Variants in KCNH7 observed in about 807,000 individuals in gnomAD.
KCNH7 encodes the protein potassium voltage-gated channel subfamily H member 7.
A neutral mutation model predicts 120.8 loss-of-function variants in KCNH7; 49 were observed. The ratio of observed to expected loss-of-function variants is 0.41; its 90% confidence interval spans 0.32 to 0.51. The LOEUF is 0.51. Among genes scored for constraint, KCNH7 ranks in the 20% least tolerant of loss-of-function variants. The pLI, the probability that KCNH7 is intolerant of heterozygous loss-of-function variation, is 0.38. For synonymous variants in KCNH7, 547 were observed against 516.1 expected (o/e 1.06, Z -0.81); for missense variants, 1,097 against 1,446.6 (o/e 0.76, Z 3.92).
At chr2:162,637,776 A>G (rs952145352) in intron 2 of KCNH7, among the ~76,000 whole-genome samples, 2 of 152,064 alleles carry the variant, frequency 1.3e-5, no homozygotes, top group Non-Finnish European at 1.5e-5. Context: ...TCTTGGGAAG[A>G]CAGAGAAGAG....
At chr2:162,754,671 G>C (rs1196184128) in intron 2 of KCNH7, among the ~76,000 whole-genome samples, 4 of 152,144 alleles carry the variant, frequency 2.6e-5, no homozygotes, top group Non-Finnish European at 5.9e-5. Context: ...ACTTTTAAGA[G>C]AGTACGAGAT....
chr2:162,706,821 A>G (rs1018858164), intron 2 of KCNH7, among the ~76,000 whole-genome samples: 1 of 152,142 alleles, frequency 6.6e-6, no homozygotes, highest in African/African-American at 2.4e-5. Context: ...ATTGCCTCTC[A>G]TACTTAAAAA....
chr2:162,384,093 A>G (rs900640490), intron 13 of KCNH7, among the ~76,000 whole-genome samples: 1 of 151,880 alleles, frequency 6.6e-6, no homozygotes, highest in Non-Finnish European at 1.5e-5. Context: ...TGAAATCTGC[A>G]TCTACTAATC....
chr2:162,684,732 G>A (rs1407627641), intron 2 of KCNH7, among the ~76,000 whole-genome samples: 2 of 152,042 alleles, frequency 1.3e-5, no homozygotes, highest in African/African-American at 4.8e-5. Context: ...AAATAGGAAT[G>A]CTTTTACACT....
At chr2:162,834,575 C>T (rs1685588249) in intron 2 of KCNH7, among the ~76,000 whole-genome samples, 1 of 151,998 alleles carries the variant, frequency 6.6e-6, no homozygotes, top group Non-Finnish European at 1.5e-5. Context: ...AGTTTTAATG[C>T]ATATAACCAA....
chr2:162,425,093 ACTGTCT>A, intron 8 of KCNH7, among the ~76,000 whole-genome samples: 1 of 152,208 alleles, frequency 6.6e-6, no homozygotes, highest in South Asian at 2.1e-4. Flanking sequence ...TCTGTGCTTG[ACTGTCT>A]GAGCAGGAAT....
At chr2:162,785,973 T>C (rs1196490848) in intron 2 of KCNH7, among the ~76,000 whole-genome samples, 1 of 152,168 alleles carries the variant, frequency 6.6e-6, no homozygotes, top group Non-Finnish European at 1.5e-5. Context: ...CTGGGCGCGG[T>C]GGCTCATGCC....
intron 2 of KCNH7, among the ~76,000 whole-genome samples, chr2:162,741,314 A>G (rs1161474820): frequency 2.0e-5 from 3 of 149,950 alleles, no homozygotes; most frequent in Non-Finnish European, 3.0e-5. Flanking sequence ...GTTATTAATT[A>G]CACATATTAA....
chr2:162,556,083 A>C (rs1692846920), intron 2 of KCNH7, among the ~76,000 whole-genome samples: 1 of 152,090 alleles, frequency 6.6e-6, no homozygotes, highest in East Asian at 1.9e-4. Context: ...ATAGTTCAAA[A>C]ATTGAGTTGA....
intron 2 of KCNH7, among the ~76,000 whole-genome samples, chr2:162,636,697 G>T (rs1683974391): frequency 6.6e-6 from 1 of 151,990 alleles, no homozygotes; most frequent in Non-Finnish European, 1.5e-5. Context: ...CACACAAATG[G>T]AAGCAATATA....
intron 2 of KCNH7, among the ~76,000 whole-genome samples, chr2:162,768,067 G>C (rs1419191495): frequency 1.3e-5 from 2 of 152,072 alleles, no homozygotes; most frequent in Admixed American, 1.3e-4. Context: ...TAGCAAGATA[G>C]TCAGCCATGT....
At position 162,422,782 on chromosome 2, in the gene KCNH7, A is replaced by G. The variant is rs1573939012; in HGVS notation, c.2154+554T>C. On this transcript the variant is annotated intron_variant, in intron 9 of 15. Transcript: ENST00000332142. ...AGGAAAGACGCATTAAACCAGGTACAGTAAAAGGGCACAGCGTAGATTGTT... is the reference window on the plus strand; with the variant it reads ...AGGAAAGACGCATTAAACCAGGTACGGTAAAAGGGCACAGCGTAGATTGTT... Among the ~76,000 whole-genome samples, 3 of 152,158 alleles carry G rather than the reference A, an allele frequency of 2.0e-5. No individual in the cohort carries two copies. The South Asian group carries it at 6.2e-4, about 32-fold the overall frequency.
At chr2:162,654,070 ATG>A (rs1684659403) in intron 2 of KCNH7, among the ~76,000 whole-genome samples, 1 of 151,454 alleles carries the variant, frequency 6.6e-6, no homozygotes, top group African/African-American at 2.4e-5. Context: ...AAAAAGCTCC[ATG>A]ACCTTAGTGT....
intron 2 of KCNH7, among the ~76,000 whole-genome samples, chr2:162,745,092 A>G (rs1260273228): frequency 6.6e-6 from 1 of 152,214 alleles, no homozygotes; most frequent in Non-Finnish European, 1.5e-5. Flanking sequence ...TGTACCTAGA[A>G]GACATTAAAA....
chr2:162,472,254 A>G (rs1402551660), intron 6 of KCNH7, among the ~76,000 whole-genome samples: 1 of 152,238 alleles, frequency 6.6e-6, no homozygotes, highest in Admixed American at 6.5e-5. Context: ...TAATTAAACT[A>G]AAGAGCTTCT....
intron 2 of KCNH7, among the ~76,000 whole-genome samples, chr2:162,604,177 C>T (rs1694653383): frequency 6.6e-6 from 1 of 151,964 alleles, no homozygotes; most frequent in South Asian, 2.1e-4. Context: ...TGGCTGTTGG[C>T]TTCATTATTT....
At chr2:162,830,007 A>T (rs938942904) in intron 2 of KCNH7, among the ~76,000 whole-genome samples, 7 of 152,142 alleles carry the variant, frequency 4.6e-5, no homozygotes, top group Non-Finnish European at 8.8e-5. Flanking sequence ...TAAGCTAAAA[A>T]TAGACTAAAT....
intron 2 of KCNH7, among the ~76,000 whole-genome samples, chr2:162,755,532 T>C (rs1169110247): frequency 6.6e-6 from 1 of 152,050 alleles, no homozygotes; most frequent in African/African-American, 2.4e-5. Flanking sequence ...TTTAATGTAG[T>C]TTGTTTACCC....
chr2:162,576,652 T>C (rs879331651), intron 2 of KCNH7, among the ~76,000 whole-genome samples: 1 of 108,718 alleles, frequency 9.2e-6, no homozygotes, highest in Admixed American at 1.1e-4. Context: ...TTTGGGTTTT[T>C]TGGGGTTTTT....
Sources: gnomAD v4.1 joint callset for allele counts (sites outside exome capture counted in the v4.1 genomes callset) on GRCh38, gnomAD v4.1.1 for gene constraint, MANE v1.5 for transcripts, NCBI Gene and HGNC (gene_info 2026-07-23, HGNC 2026-07-21) for gene names.